TP53BP1: variants seen among roughly 807,000 people sequenced by gnomAD.
TP53BP1 encodes the protein tumor protein p53 binding protein 1.
TP53BP1 carries 61 observed loss-of-function variants against 200.8 expected under a neutral mutation model. The observed-to-expected ratio is 0.30, with a 90% CI of 0.25 to 0.38. TP53BP1 has a LOEUF of 0.38. TP53BP1 is among the 10% of genes least tolerant of loss of function. The pLI, the probability that TP53BP1 is intolerant of heterozygous loss-of-function variation, is 1.00. For synonymous variants in TP53BP1, 822 were observed against 844.3 expected, an observed-to-expected ratio of 0.97 and a Z score of 0.46; for missense variants, 2,144 against 2,371.9, an observed-to-expected ratio of 0.90 and a Z score of 2.00.
chr15:43,416,506 A>G, intron 21 of TP53BP1, 90 bp from the exon 22 acceptor site: 1 of 1,290,922 alleles, frequency 7.7e-7, no homozygotes, highest in South Asian at 1.4e-5. Context: ...GGCCTGAGTT[A>G]GGGAATTTAG....
intron 15 of TP53BP1, 21 bp from the exon 16 acceptor site, chr15:43,438,437 A>C: frequency 6.4e-7 from 1 of 1,574,674 alleles, no homozygotes; most frequent in Non-Finnish European, 8.7e-7. Flanking sequence ...ATATTAAAGC[A>C]ATATATTGTT....
chr15:43,453,847 T>C (rs2046230235), intron 12 of TP53BP1, among the ~76,000 whole-genome samples: 1 of 149,436 alleles, frequency 6.7e-6, no homozygotes, highest in African/African-American at 2.4e-5. Context: ...ACCCGGCCAA[T>C]AGGGACAATT....
chr15:43,440,657 G>A (rs2045907643), intron 15 of TP53BP1, among the ~76,000 whole-genome samples: 1 of 152,008 alleles, frequency 6.6e-6, no homozygotes, highest in African/African-American at 2.4e-5. Context: ...GGAAGTCAAG[G>A]CAGGTGGATC....
chr15:43,413,694 A>C (rs2045189046), intron 23 of TP53BP1, among the ~76,000 whole-genome samples: 1 of 152,126 alleles, frequency 6.6e-6, no homozygotes, highest in South Asian at 2.1e-4. Context: ...ATAGTAGGTG[A>C]GAGTGAAAAA....
intron 8 of TP53BP1, among the ~76,000 whole-genome samples, chr15:43,476,384 A>C (rs1278244369): frequency 6.6e-6 from 1 of 152,218 alleles, no homozygotes; most frequent in African/African-American, 2.4e-5. Flanking sequence ...TCCAACGTCT[A>C]CCTTAGGTGA....
intron 17 of TP53BP1, among the ~76,000 whole-genome samples, 159 bp from the exon 18 acceptor site, chr15:43,428,327 G>C (rs958251516): frequency 2.0e-5 from 3 of 152,178 alleles, no homozygotes; most frequent in Middle Eastern, 3.4e-3. Flanking sequence ...GTAAGACCAG[G>C]GATGGATGAG....
At chr15:43,473,466 A>G (rs1047043758) in intron 10 of TP53BP1, among the ~76,000 whole-genome samples, 4 of 152,064 alleles carry the variant, frequency 2.6e-5, no homozygotes, top group African/African-American at 9.7e-5. Flanking sequence ...AGGCCCCACC[A>G]GAGTAGCTAG....
chr15:43,420,224 G>T, intron 21 of TP53BP1, 81 bp downstream of exon 21: 1 of 1,315,448 alleles, frequency 7.6e-7, no homozygotes, highest in Non-Finnish European at 1.1e-6. Context: ...ACCAAGTAAT[G>T]TCTTGGTAAC....
intron 11 of TP53BP1, among the ~76,000 whole-genome samples, chr15:43,464,115 C>G (rs1408853982): frequency 6.6e-6 from 1 of 152,188 alleles, no homozygotes; most frequent in Admixed American, 6.5e-5. Context: ...CAACCACCCA[C>G]TCAGAACTAC....
Position 43,456,120 on chromosome 15 carries a change from G to A in TP53BP1, c.2488C>T (p.Pro830Ser). The A allele has an allele frequency of 6.2e-7, 1 of 1,614,206 alleles. No individual in the cohort carries two copies. Among genetic ancestry groups the A allele is most frequent in the South Asian group, 1.1e-5 (1 of 91,090 alleles). The stretch of plus-strand genomic sequence containing the variant: ...GGCTGTGAAGAATCTTGCTCTACAG[G>A]TTCTGTTTCTGCAGTCCCTGATTTC... ...DLKSGTAETE[P>S]VEQDSSQPSL... The change falls in exon 12 of 28, where the codon CCT becomes TCT. Residue 830 changes from proline (P) to serine (S), a missense_variant. Pro to Ser is a moderately conservative substitution (Grantham distance 74). Transcript: ENST00000382044.
chr15:43,445,252 C>T (rs1023225053), intron 14 of TP53BP1, among the ~76,000 whole-genome samples: 11 of 152,110 alleles, frequency 7.2e-5, no homozygotes, highest in Non-Finnish European at 1.5e-4. Flanking sequence ...ATGGCTCTTG[C>T]TAGAGTCACC....
chr15:43,475,791 C>T (rs2140110590), intron 8 of TP53BP1, 97 bp from the exon 9 acceptor site: 2 of 1,367,594 alleles, frequency 1.5e-6, no homozygotes, highest in South Asian at 2.7e-5. Context: ...ATATTTCCAA[C>T]ATATTTCCAT....
At chr15:43,502,572 A>G (rs1475220013) in intron 1 of TP53BP1, among the ~76,000 whole-genome samples, 1 of 149,660 alleles carries the variant, frequency 6.7e-6, no homozygotes, top group African/African-American at 2.5e-5. Flanking sequence ...CTCCTGCCTC[A>G]GCCTCCTGAG....
Position 43,406,592 on chromosome 15 carries a change from C to A in TP53BP1, c.*791G>T, listed in dbSNP as rs1199200063. On this transcript the variant is annotated 3_prime_UTR_variant, in exon 28 of 28. Transcript: ENST00000382044. Reference sequence around the variant, plus strand: ...AAGCCTGAAATATTTACTCTTTGACCCTTTACAGAAAAAAACCTTGTTGAC... The same window carrying A: ...AAGCCTGAAATATTTACTCTTTGACACTTTACAGAAAAAAACCTTGTTGAC... 2.2e-6 allele frequency: 1 copy of A among 455,690 alleles called. No homozygotes were observed. The highest frequency in any genetic ancestry group is 7.0e-5 in the East Asian group (1 of 14,382). 28.2% of individuals were successfully genotyped at this position (455,690 alleles called of 1,614,324 possible). A position where few individuals can be genotyped will look rare whatever the true frequency, so the allele number is the denominator to read the frequency against.
At chr15:43,410,562 A>G (rs1469805804) in intron 24 of TP53BP1, among the ~76,000 whole-genome samples, 3 of 152,124 alleles carry the variant, frequency 2.0e-5, no homozygotes, top group South Asian at 2.1e-4. Flanking sequence ...CATTAAAAAA[A>G]AAAAGAAAAG....
At chr15:43,424,810 T>C (rs1215711656) in intron 18 of TP53BP1, among the ~76,000 whole-genome samples, 1 of 152,252 alleles carries the variant, frequency 6.6e-6, no homozygotes, top group Non-Finnish European at 1.5e-5. Context: ...TTTGAACGTC[T>C]GCCCCTCCAA....
rs1566906677 is a variant in TP53BP1 at position 43,405,265 on chromosome 15, C to T, written c.*2118G>A. The stretch of plus-strand genomic sequence containing the variant: ...AACAGCCACGTTCCCAAGGTTGTAA[C>T]AGAAGATTCAAAACATCCCATTCTA... On this transcript the variant is annotated 3_prime_UTR_variant, in exon 28 of 28. Transcript: ENST00000382044. 2 of 1,603,324 alleles carry T rather than the reference C, an allele frequency of 1.2e-6. No individual in the cohort carries two copies. Among genetic ancestry groups the T allele is most frequent in the African/African-American group, 1.3e-5 (1 of 74,816 alleles).
In TP53BP1 at chr15:43,413,272, A is replaced by G. The variant is rs1236478468; in HGVS notation, c.5152T>C (p.Ser1718Pro). 6.2e-7 allele frequency: 1 copy of G among 1,614,196 alleles called. No homozygotes were observed. The highest frequency in any genetic ancestry group is 8.5e-7 in the Non-Finnish European group (1 of 1,180,040). ...GGCCCTCTCTGCTCTTCCAGGGCAG[A>G]GGGTTCACCGGTGTTGTCTCCACTC... is the stretch of plus-strand genomic sequence containing the variant. Reference protein sequence around the residue: ...CESGDNTGEPSALEEQRGPLP... With the variant: ...CESGDNTGEPPALEEQRGPLP... The change falls in exon 24 of 28, where the codon TCT becomes CCT. Residue 1718 changes from serine (S) to proline (P), a missense_variant. Around this residue, in one of 4 missense-constraint regions of TP53BP1, gnomAD observed 334 missense variants for 453.4 expected, o/e 0.74. Transcript: ENST00000382044.
Position 43,454,601 on chromosome 15 carries a change from G to C in TP53BP1, c.2716+1291C>G, listed in dbSNP as rs183951061. ...TAGTCTCAAACTTCCGACCTCAGGCGATCTGCTGGCCTCAGCCTCCCAAAG... is the reference window on the plus strand; with the variant it reads ...TAGTCTCAAACTTCCGACCTCAGGCCATCTGCTGGCCTCAGCCTCCCAAAG... On this transcript the variant is annotated intron_variant, in intron 12 of 27. Coordinates refer to ENST00000382044, the MANE Select transcript of TP53BP1 (RefSeq NM_001141980.3). Among the ~76,000 whole-genome samples, 190 of 152,226 alleles carry C rather than the reference G, an allele frequency of 1.2e-3. 1 individual carries two copies. The highest frequency in any genetic ancestry group is 3.4e-3 in the Admixed American group (52 of 15,286).
Sources: gnomAD v4.1 joint callset for allele counts (sites outside exome capture counted in the v4.1 genomes callset) on GRCh38, gnomAD v4.1.1 for gene constraint, gnomAD v4.1.1 regional missense constraint, MANE v1.5 for transcripts, NCBI Gene and HGNC (gene_info 2026-07-23, HGNC 2026-07-21) for gene names.